The following PRR16 variants were observed in gnomAD, a reference collection of about 807,000 sequenced individuals.
PRR16 encodes protein Largen.
A neutral mutation model predicts 18.2 loss-of-function variants in PRR16; 6 were observed. The observed-to-expected ratio is 0.33, with a 90% confidence interval of 0.18 to 0.65. PRR16 has a LOEUF of 0.65. PRR16 is among the 30% of genes least tolerant of loss of function. The pLI is 0.74. For synonymous variants in PRR16, 151 were observed against 147.8 expected, an observed-to-expected ratio of 1.02 and a Z score of -0.16; for missense variants, 412 against 376.6, an observed-to-expected ratio of 1.09 and a Z score of -0.78.
At chr5:120,758,145 A>G in the PRR16 span, among the ~76,000 whole-genome samples, 1 of 152,166 alleles carries the variant, frequency 6.6e-6, no homozygotes, top group African/African-American at 2.4e-5. Context: ...CATTTAGGTC[A>G]GTAACTTATT....
intron 1 of PRR16, among the ~76,000 whole-genome samples, chr5:120,611,525 C>G (rs1754333304): frequency 6.6e-6 from 1 of 152,188 alleles, no homozygotes; most frequent in Non-Finnish European, 1.5e-5. Flanking sequence ...CCAGCCGTGC[C>G]AGCCTTGGTT....
intron 1 of PRR16, among the ~76,000 whole-genome samples, chr5:120,475,258 A>T (rs961911062): frequency 6.6e-6 from 1 of 152,078 alleles, no homozygotes; most frequent in African/African-American, 2.4e-5. Context: ...CTGCTTCCCA[A>T]TTCCTGGCAG....
intron 1 of PRR16, among the ~76,000 whole-genome samples, chr5:120,650,039 GA>G (rs900871924): frequency 1.4e-4 from 21 of 151,838 alleles, no homozygotes; most frequent in African/African-American, 5.1e-4. Context: ...CCAACACGAT[GA>G]AACCCTCTCT....
At chr5:120,680,381 A>T (rs1756933821) in intron 1 of PRR16, among the ~76,000 whole-genome samples, 1 of 152,158 alleles carries the variant, frequency 6.6e-6, no homozygotes, top group Admixed American at 6.5e-5. Context: ...ATCCCTGCTG[A>T]TACATATAGA....
At chr5:120,559,577 A>G (rs1752514976) in intron 1 of PRR16, among the ~76,000 whole-genome samples, 1 of 151,842 alleles carries the variant, frequency 6.6e-6, no homozygotes, top group African/African-American at 2.4e-5. Flanking sequence ...ATAATCAGAA[A>G]TAAGGTAATG....
At chr5:120,665,289 C>A (rs1756329694) in intron 1 of PRR16, among the ~76,000 whole-genome samples, 1 of 151,708 alleles carries the variant, frequency 6.6e-6, no homozygotes, top group South Asian at 2.1e-4. Flanking sequence ...CCTTCACCCA[C>A]TTTTTGATGG....
At chr5:120,624,932 G>A (rs73256058) in intron 1 of PRR16, among the ~76,000 whole-genome samples, 14 of 152,000 alleles carry the variant, frequency 9.2e-5, no homozygotes, top group Non-Finnish European at 1.0e-4. Context: ...GGTTCCCTGC[G>A]CAAGCTCTCT....
rs955630893 is a variant in PRR16 at position 120,464,497 on chromosome 5, A to G, written c.11A>G (p.Lys4Arg). 1 of 1,589,594 alleles carries G rather than the reference A, an allele frequency of 6.3e-7. No individual in the cohort carries two copies. Among genetic ancestry groups the G allele is most frequent in the Non-Finnish European group, 8.5e-7 (1 of 1,176,084 alleles). ...GCTTGCCCCCAAAGAATGTCAGCCA[A>G]GTCCAAGGGGAACCCCTCCTCGTCC... MSA[K>R]SKGNPSSSCP... Residue 4 changes from lysine to arginine, a missense_variant, in exon 1 of 2, where the codon AAG (lysine) becomes AGG (arginine). Lys to Arg is a conservative substitution (Grantham distance 26). Transcript: ENST00000407149.
chr5:120,513,762 C>CTT (rs1294799034), intron 1 of PRR16, among the ~76,000 whole-genome samples: 32 of 142,130 alleles, frequency 2.3e-4, no homozygotes, highest in African/African-American at 5.9e-4. Context: ...CATCTGTTTT[C>CTT]TTTTTTTTTT....
intron 1 of PRR16, among the ~76,000 whole-genome samples, chr5:120,539,648 C>T (rs1346937512): frequency 1.3e-5 from 2 of 151,858 alleles, no homozygotes; most frequent in African/African-American, 2.4e-5. Context: ...TGCACATGTG[C>T]CCCTTGAACC....
chr5:120,716,741 G>A, the PRR16 span, among the ~76,000 whole-genome samples: 138 of 152,118 alleles, frequency 9.1e-4, no homozygotes, highest in South Asian at 8.9e-3. Flanking sequence ...GTGTGGTGGC[G>A]GGCGCTTATA....
At chr5:120,482,781 C>T (rs1749661765) in intron 1 of PRR16, among the ~76,000 whole-genome samples, 1 of 152,066 alleles carries the variant, frequency 6.6e-6, no homozygotes, top group Non-Finnish European at 1.5e-5. Context: ...TGTTATTTTA[C>T]CCTGTTAGCT....
intron 1 of PRR16, among the ~76,000 whole-genome samples, chr5:120,502,426 C>T (rs1248123058): frequency 6.6e-6 from 1 of 151,144 alleles, no homozygotes; most frequent in Non-Finnish European, 1.5e-5. Flanking sequence ...GTAATAGTCA[C>T]TCAAGGGTTA....
intron 1 of PRR16, among the ~76,000 whole-genome samples, chr5:120,508,811 T>C (rs1308829332): frequency 1.3e-5 from 2 of 152,172 alleles, no homozygotes; most frequent in African/African-American, 4.8e-5. Context: ...TTATATACTT[T>C]ATCAACCACT....
chr5:120,637,706 C>T (rs1039741179), intron 1 of PRR16, among the ~76,000 whole-genome samples: 1 of 152,010 alleles, frequency 6.6e-6, no homozygotes, highest in Non-Finnish European at 1.5e-5. Flanking sequence ...GCACACTGCT[C>T]GGGTGATGGG....
At chr5:120,502,877 T>G (rs1750510537) in intron 1 of PRR16, among the ~76,000 whole-genome samples, 1 of 152,178 alleles carries the variant, frequency 6.6e-6, no homozygotes, top group Admixed American at 6.5e-5. Flanking sequence ...TTCTTCTTAT[T>G]CAGATAGTCT....
At chr5:120,703,575 T>C in the PRR16 span, among the ~76,000 whole-genome samples, 1 of 152,256 alleles carries the variant, frequency 6.6e-6, no homozygotes, top group Non-Finnish European at 1.5e-5. Flanking sequence ...ATTTGTTTAC[T>C]GAATTCATAG....
intron 1 of PRR16, among the ~76,000 whole-genome samples, chr5:120,489,982 C>T (rs1287060156): frequency 2.6e-5 from 4 of 152,176 alleles, no homozygotes; most frequent in Non-Finnish European, 5.9e-5. Flanking sequence ...TATTGGCCCC[C>T]ACTCTCTTCT....
chr5:120,683,600 G>C (rs1757037130), intron 1 of PRR16, among the ~76,000 whole-genome samples: 1 of 151,524 alleles, frequency 6.6e-6, no homozygotes, highest in African/African-American at 2.4e-5. Flanking sequence ...TTTTACTGCA[G>C]TTCACTATTA....
Sources: gnomAD v4.1 joint callset for allele counts (sites outside exome capture counted in the v4.1 genomes callset) on GRCh38, gnomAD v4.1.1 for gene constraint, MANE v1.5 for transcripts, NCBI Gene and HGNC (gene_info 2026-07-23, HGNC 2026-07-21) for gene names.